Variants in PEX11G observed in about 807,000 individuals in gnomAD.
The protein encoded by PEX11G is peroxisomal biogenesis factor 11 gamma.
PEX11G carries 20 observed loss-of-function variants against 22.5 expected under a neutral mutation model. The ratio of observed to expected loss-of-function variants is 0.89; its 90% CI spans 0.62 to 1.29. The LOEUF is 1.29. PEX11G is among the 50% of genes most tolerant of loss of function. PEX11G has a pLI of 0.00. For synonymous variants in PEX11G, 141 were observed against 154.5 expected (o/e 0.91, Z 0.65); for missense variants, 347 against 331.3 (o/e 1.05, Z -0.37).
upstream of PEX11G, among the ~76,000 whole-genome samples, chr19:7,493,285 C>T (rs192010579): frequency 1.3e-3 from 199 of 151,248 alleles, no homozygotes; most frequent in Admixed American, 3.2e-3. Context: ...CTCCACCTCC[C>T]GGGTTCAAGC....
chr19:7,479,080 C>T (rs1260092833), intron 3 of PEX11G, among the ~76,000 whole-genome samples: 1 of 152,242 alleles, frequency 6.6e-6, no homozygotes, highest in Non-Finnish European at 1.5e-5. Context: ...CCTCTGGCCA[C>T]TGGGTACCCA....
chr19:7,489,171 C>G, upstream of PEX11G: 5 of 768,692 alleles, frequency 6.5e-6, no homozygotes, highest in Non-Finnish European at 7.9e-6. Context: ...ACAGAGTTTG[C>G]AGAGGTGGGG....
intron 1 of PEX11G, among the ~76,000 whole-genome samples, chr19:7,494,349 G>A (rs532642964): frequency 4.6e-4 from 70 of 152,212 alleles, no homozygotes; most frequent in African/African-American, 1.6e-3. Flanking sequence ...CCGAGATCAC[G>A]CCACTGCACT....
intron 1 of PEX11G, among the ~76,000 whole-genome samples, chr19:7,494,569 C>T (rs1193878169): frequency 6.6e-6 from 1 of 152,188 alleles, no homozygotes; most frequent in Non-Finnish European, 1.5e-5. Flanking sequence ...CCGCTCTAGG[C>T]AACAGAGATA....
At chr19:7,494,916 C>T (rs1479654174) in intron 1 of PEX11G, among the ~76,000 whole-genome samples, 2 of 152,188 alleles carry the variant, frequency 1.3e-5, no homozygotes, top group African/African-American at 2.4e-5. Flanking sequence ...CTAGCTAATA[C>T]CAGCAACGGC....
At chr19:7,493,555 A>T (rs768720862), upstream of PEX11G, among the ~76,000 whole-genome samples, 29 of 151,662 alleles carry the variant, frequency 1.9e-4, no homozygotes, top group Non-Finnish European at 3.1e-4. Context: ...CCCAGGCTGG[A>T]GTGCAGTGGC....
chr19:7,481,564 T>C (rs530361460), intron 3 of PEX11G, among the ~76,000 whole-genome samples: 8 of 152,270 alleles, frequency 5.3e-5, no homozygotes, highest in South Asian at 4.1e-4. Flanking sequence ...CATGTCATCA[T>C]AGGGGTCCTT....
At chr19:7,478,228 G>A (rs1004971110) in intron 4 of PEX11G, 86 bp downstream of exon 4, 27 of 1,419,664 alleles carry the variant, frequency 1.9e-5, no homozygotes, top group East Asian at 9.7e-5. Flanking sequence ...TCCCCAGCAT[G>A]GGCCTGCACA....
At chr19:7,483,165 C>T (rs960326666) in intron 2 of PEX11G, 1 of 151,564 alleles carries the variant, frequency 6.6e-6, no homozygotes, top group African/African-American at 2.4e-5. Flanking sequence ...CCTGCCACAC[C>T]CTTCCCCTCC....
intron 3 of PEX11G, among the ~76,000 whole-genome samples, chr19:7,480,504 T>C (rs1011828407): frequency 2.0e-5 from 3 of 152,170 alleles, no homozygotes; most frequent in East Asian, 3.9e-4. Context: ...CATGACCCTT[T>C]TGAGACAGCC....
Position 7,478,328 on chromosome 19 carries a change from C to A in PEX11G, c.477G>T (p.Thr159=), listed in dbSNP as rs373658117. The A allele has an allele frequency of 1.1e-5, 17 of 1,610,976 alleles. No homozygotes were observed. In the Middle Eastern group the frequency reaches 1.5e-3, roughly 140 times the overall value. ...CGGGCTCCTACCTGGTGAAGGGCGC[C>A]GTGGGGCTCCGCAGCCTCTGTCTCA... ...LKLRQRLRSP[T]APFTSPLPRG... is the part of the protein sequence containing the mutation. Residue 159 remains threonine (T), a synonymous_variant, in exon 4 of 5, where the codon ACG becomes ACT. Coordinates refer to ENST00000221480, the MANE Select transcript of PEX11G (RefSeq NM_080662.4).
At chr19:7,480,280 A>G (rs1348896952) in intron 3 of PEX11G, among the ~76,000 whole-genome samples, 4 of 152,130 alleles carry the variant, frequency 2.6e-5, no homozygotes, top group Non-Finnish European at 4.4e-5. Flanking sequence ...TAAGCAAAAA[A>G]GAAAGGAACC....
In PEX11G at chr19:7,488,983, C is replaced by CCGACGCCAGGCCGCTCAG; in HGVS notation, c.10_27dup (p.Leu4_Ser9dup). The CCGACGCCAGGCCGCTCAG allele has an allele frequency of 2.6e-6, 4 of 1,550,642 alleles. No homozygotes were observed. Among genetic ancestry groups the CCGACGCCAGGCCGCTCAG allele is most frequent in the African/African-American group, 1.4e-5 (1 of 72,162 alleles). On this transcript the variant is annotated inframe_insertion, in exon 1 of 5. Coordinates refer to ENST00000221480, the MANE Select transcript of PEX11G (RefSeq NM_080662.4). ...TCCCGGCCCCTGTACGACTCCAGCG[C>CCGACGCCAGGCCGCTCAG]CGACGCCAGGCCGCTCAGCGACGCC...
In PEX11G at chr19:7,477,121, G is replaced by A. The variant is rs118050816; in HGVS notation, c.*81C>T. 7.4e-4 allele frequency: 954 copies of A among 1,297,140 alleles called. 7 individuals carry two copies. The African/African-American group carries it at 0.012, about 16-fold the overall frequency. 80.4% of individuals were successfully genotyped at this position (1,297,140 alleles called of 1,614,324 possible). ...CCACAGGCAGCTCCATGAGAGCCCCGGCCCCTGCCCTGGCGGCTTCTGCTT... is the reference window on the plus strand; with the variant it reads ...CCACAGGCAGCTCCATGAGAGCCCCAGCCCCTGCCCTGGCGGCTTCTGCTT... On this transcript the variant is annotated 3_prime_UTR_variant, in exon 5 of 5. Coordinates refer to ENST00000221480, the MANE Select transcript of PEX11G (RefSeq NM_080662.4).
chr19:7,480,352 G>C (rs1568379308), intron 3 of PEX11G, among the ~76,000 whole-genome samples: 1 of 152,166 alleles, frequency 6.6e-6, no homozygotes, highest in Non-Finnish European at 1.5e-5. Context: ...TGGCGGAAGA[G>C]AGGCTGTGAG....
At chr19:7,478,410 G>A in intron 3 of PEX11G, 34 bp from the exon 4 acceptor site, 1 of 1,589,720 alleles carries the variant, frequency 6.3e-7, no homozygotes, top group Non-Finnish European at 8.6e-7. Context: ...GGATGCCCCG[G>A]CGGGGAGCAG....
chr19:7,478,579 C>A (rs1184863513), intron 3 of PEX11G, among the ~76,000 whole-genome samples: 1 of 152,232 alleles, frequency 6.6e-6, no homozygotes. Flanking sequence ...CCCGTCCCAC[C>A]CGGGACATCG....
upstream of PEX11G, among the ~76,000 whole-genome samples, chr19:7,491,802 G>A (rs112305760): frequency 0.15 from 23,412 of 151,898 alleles, 1,954 homozygotes; most frequent in Non-Finnish European, 0.2. Context: ...ACAGGTGCAC[G>A]CCACCACATC....
chr19:7,485,633 G>C (rs559557455), intron 2 of PEX11G, among the ~76,000 whole-genome samples: 3 of 152,294 alleles, frequency 2.0e-5, no homozygotes, highest in South Asian at 4.1e-4. Context: ...GGGATTACAG[G>C]CATGAGCCAC....
Sources: allele counts gnomAD v4.1 joint callset (sites outside exome capture counted in the v4.1 genomes callset), GRCh38; gene constraint gnomAD v4.1.1; transcripts MANE v1.5; gene names NCBI Gene and HGNC (gene_info 2026-07-23, HGNC 2026-07-21).